The following LRRC56 variants were observed in gnomAD, a reference collection of about 807,000 sequenced individuals.
LRRC56 encodes the protein leucine rich repeat containing 56.
In LRRC56, 41 loss-of-function variants were observed where a neutral mutation model predicts 47.8. The observed-to-expected ratio is 0.86, with a 90% CI of 0.67 to 1.11. LRRC56 has a LOEUF of 1.11. Ranked by LOEUF, LRRC56 falls within the 50% of genes most tolerant of loss-of-function variation. LRRC56 has a pLI of 0.00. For synonymous variants in LRRC56, 387 were observed against 311.2 expected, an observed-to-expected ratio of 1.24 and a Z score of -2.56; for missense variants, 759 against 704.2, an observed-to-expected ratio of 1.08 and a Z score of -0.88.
Position 552,263 on chromosome 11 carries a change from G to C in LRRC56, c.1181+31G>C, listed in dbSNP as rs1852440456. 1.9e-6 allele frequency: 3 copies of C among 1,595,794 alleles called. No individual in the cohort carries two copies. The South Asian group carries it at 3.3e-5, about 18-fold the overall frequency. ...TGTCCCTCCAGCTCTTCCACTGGGT[G>C]TGTCCTGTCCCGTGGGGAAATCAGG... On this transcript the variant is annotated intron_variant, in intron 12 of 13. Transcript: ENST00000270115.
chr11:507,798 C>A, the LRRC56 span, among the ~76,000 whole-genome samples: 2 of 152,248 alleles, frequency 1.3e-5, no homozygotes, highest in Non-Finnish European at 2.9e-5. Flanking sequence ...GCCCCGTGAA[C>A]CACGCTGCCC....
At position 549,967 on chromosome 11, in the gene LRRC56, T is replaced by C; in HGVS notation, c.392T>C (p.Leu131Pro). 4 of 1,612,654 alleles carry C rather than the reference T, an allele frequency of 2.5e-6. No individual in the cohort carries two copies. Among genetic ancestry groups the C allele is most frequent in the Non-Finnish European group, 2.5e-6 (3 of 1,179,822 alleles). ...CTGGCTCGCTGTGGCCTCGCTGACC[T>C]GGATGGCATCGCCTCTTTGCCAGCA... ...LWLARCGLAD[L>P]DGIASLPALK... The change falls in exon 7 of 14, where the codon CTG (leucine) becomes CCG (proline). Residue 131 changes from leucine to proline, a missense_variant. Physicochemically the swap from Leu to Pro is moderately conservative, Grantham distance 98. Coordinates refer to ENST00000270115, the MANE Select transcript of LRRC56 (RefSeq NM_198075.4).
At chr11:534,737 G>T (rs568142856), upstream of LRRC56, 49 of 246,232 alleles carry the variant, frequency 2.0e-4, no homozygotes, top group Non-Finnish European at 2.1e-4. Context: ...GTCTGGCCAC[G>T]GCGGAGCGCG....
chr11:551,804 A>G lies in LRRC56; in HGVS notation c.950A>G (p.Asp317Gly), dbSNP rs1276728026. The change falls in exon 10 of 14, where the codon GAT (aspartate) becomes GGT (glycine). Residue 317 changes from aspartate (D) to glycine (G), a missense_variant. Asp to Gly is a moderately conservative substitution (Grantham distance 94). Coordinates refer to ENST00000270115, the MANE Select transcript of LRRC56 (RefSeq NM_198075.4). The stretch of plus-strand genomic sequence containing the variant: ...CTTTCTGAGGACCTGGCCCCAGAAG[A>G]TAACACCAGCAGCCTCACCCATGGT... ...GLLSEDLAPE[D>G]NTSSLTHGAG... The G allele has an allele frequency of 2.5e-6, 4 of 1,608,058 alleles. No individual in the cohort carries two copies. The highest frequency in any genetic ancestry group is 1.1e-5 in the South Asian group (1 of 90,712).
chr11:535,746 C>T (rs1459356226), upstream of LRRC56, among the ~76,000 whole-genome samples: 5 of 152,136 alleles, frequency 3.3e-5, no homozygotes, highest in South Asian at 2.1e-4. Context: ...GGGCCGCGGC[C>T]TCTCGGGGTT....
the LRRC56 span, chr11:529,037 C>G: frequency 1.3e-5 from 2 of 152,258 alleles, no homozygotes; most frequent in African/African-American, 4.8e-5. Context: ...ACGTGGCTGC[C>G]AAGGGCCATC....
At chr11:510,641 G>A in the LRRC56 span, among the ~76,000 whole-genome samples, 2 of 152,148 alleles carry the variant, frequency 1.3e-5, no homozygotes, top group Non-Finnish European at 2.9e-5. Context: ...GGGAGACTGA[G>A]GCATAAGAAT....
At chr11:543,677 C>T (rs1589807346) in intron 5 of LRRC56, among the ~76,000 whole-genome samples, 1 of 152,304 alleles carries the variant, frequency 6.6e-6, no homozygotes, top group South Asian at 2.1e-4. Context: ...TAACCCGCAG[C>T]CATCTGCACT....
the LRRC56 span, among the ~76,000 whole-genome samples, chr11:513,550 G>A: frequency 1.3e-5 from 2 of 152,136 alleles, no homozygotes; most frequent in Admixed American, 6.6e-5. Context: ...CATAAACTTC[G>A]TTGGTACAGC....
intron 5 of LRRC56, among the ~76,000 whole-genome samples, chr11:544,343 C>T (rs1851965223): frequency 6.6e-6 from 1 of 152,330 alleles, no homozygotes. Context: ...ACTCTTGGAG[C>T]CCAGTGGCCT....
At chr11:544,376 C>G (rs1851967227) in intron 5 of LRRC56, among the ~76,000 whole-genome samples, 1 of 152,228 alleles carries the variant, frequency 6.6e-6, no homozygotes, top group Non-Finnish European at 1.5e-5. Flanking sequence ...AGACAATGGT[C>G]TGAGCTTCCC....
the LRRC56 span, among the ~76,000 whole-genome samples, chr11:528,162 TCC>T: frequency 1.3e-5 from 2 of 152,202 alleles, no homozygotes; most frequent in Non-Finnish European, 1.5e-5. Flanking sequence ...TATCCAGGCC[TCC>T]CTGGATGGAT....
Position 541,763 on chromosome 11 carries a change from C to T in LRRC56, c.265+139C>T. Reference sequence around the variant, plus strand: ...GGCTTCCTTAGGGTTGGCCTCTGACCTGAGGTCTGTGTCAGGTACAGGCAG... The same window carrying T: ...GGCTTCCTTAGGGTTGGCCTCTGACTTGAGGTCTGTGTCAGGTACAGGCAG... On this transcript the variant is annotated intron_variant, in intron 5 of 13. Transcript: ENST00000270115. This position sits in a 1 kb window ranked among gnomAD's most constrained non-coding sequence, Gnocchi z 4.1. 1.8e-6 allele frequency: 1 copy of T among 559,478 alleles called. No individual in the cohort carries two copies. The allele number at this position is 559,478 out of a possible 1,614,324, so 34.7% of individuals were successfully genotyped here.
chr11:517,778 G>T, the LRRC56 span, among the ~76,000 whole-genome samples: 4 of 152,210 alleles, frequency 2.6e-5, no homozygotes, highest in Non-Finnish European at 5.9e-5. Context: ...TACTGTGTCT[G>T]TGTAGAAAGA....
chr11:533,284 G>A, upstream of LRRC56: 1 of 1,592,968 alleles, frequency 6.3e-7, no homozygotes, highest in Non-Finnish European at 8.5e-7. Context: ...TACAGCGCGA[G>A]GGGCCGCTGG....
the LRRC56 span, among the ~76,000 whole-genome samples, chr11:510,330 G>A: frequency 9.2e-5 from 14 of 152,192 alleles, no homozygotes; most frequent in East Asian, 1.2e-3. Context: ...GGTCAGGCAC[G>A]GTGGCTCACG....
the LRRC56 span, among the ~76,000 whole-genome samples, chr11:520,832 C>T: frequency 6.6e-6 from 1 of 152,126 alleles, no homozygotes; most frequent in East Asian, 1.9e-4. Context: ...ATGGCGAGGG[C>T]CTTTCCTGCG....
upstream of LRRC56, chr11:533,933 C>T (rs762706292): frequency 3.1e-6 from 5 of 1,611,758 alleles, no homozygotes; most frequent in South Asian, 5.5e-5. Flanking sequence ...CCACCTGCTT[C>T]CGGTAGGAAT....
intron 8 of LRRC56, among the ~76,000 whole-genome samples, 170 bp from the exon 9 acceptor site, chr11:550,961 G>T (rs924185816): frequency 2.0e-5 from 3 of 152,152 alleles, no homozygotes; most frequent in African/African-American, 7.2e-5. Flanking sequence ...CTCAGTCCCT[G>T]GGGTGTGAGA....
Sources: gnomAD v4.1 joint callset for allele counts (sites outside exome capture counted in the v4.1 genomes callset) on GRCh38, gnomAD v4.1.1 for gene constraint, Gnocchi (gnomAD v3.1) non-coding constraint, MANE v1.5 for transcripts, NCBI Gene and HGNC (gene_info 2026-07-23, HGNC 2026-07-21) for gene names.